CFAP263: variants seen among roughly 807,000 people sequenced by gnomAD.
CFAP263 encodes cilia and flagella associated protein 263.
chr16:58,258,810 C>T, the CFAP263 span, among the ~76,000 whole-genome samples: 2 of 152,034 alleles, frequency 1.3e-5, no homozygotes, highest in Non-Finnish European at 2.9e-5. Context: ...GAAACCCCAT[C>T]TCTACTAAAA....
chr16:58,257,384 C>T, the CFAP263 span, among the ~76,000 whole-genome samples: 1 of 152,072 alleles, frequency 6.6e-6, no homozygotes, highest in Non-Finnish European at 1.5e-5. Context: ...CACTTAACAA[C>T]ATCTCTTTAC....
chr16:58,282,482 C>T, the CFAP263 span: 1 of 152,342 alleles, frequency 6.6e-6, no homozygotes, highest in Admixed American at 6.5e-5. Context: ...GAAGCCACAC[C>T]AGAACAGAGA....
chr16:58,278,551 G>A, the CFAP263 span: 12 of 1,614,076 alleles, frequency 7.4e-6, no homozygotes, highest in East Asian at 2.2e-5. Context: ...GGCACCACAG[G>A]TGATGACTTA....
At chr16:58,259,597 C>T in the CFAP263 span, among the ~76,000 whole-genome samples, 4 of 152,180 alleles carry the variant, frequency 2.6e-5, no homozygotes, top group African/African-American at 7.2e-5. Flanking sequence ...AAGGCCCCTA[C>T]AGTAGCATAC....
the CFAP263 span, among the ~76,000 whole-genome samples, chr16:58,252,253 C>T: frequency 1.3e-5 from 2 of 152,068 alleles, no homozygotes; most frequent in Non-Finnish European, 2.9e-5. Flanking sequence ...ACCTGCAGTC[C>T]TAGCTACTTG....
chr16:58,279,206 G>A, the CFAP263 span, among the ~76,000 whole-genome samples: 3 of 152,086 alleles, frequency 2.0e-5, no homozygotes, highest in African/African-American at 4.8e-5. Context: ...CTAGGCTGCC[G>A]TGGCCAGGTT....
chr16:58,278,814 TC>T, the CFAP263 span, among the ~76,000 whole-genome samples: 3 of 152,088 alleles, frequency 2.0e-5, no homozygotes, highest in African/African-American at 7.2e-5. Context: ...TTTTGAAAGT[TC>T]CCCCTTTTGC....
the CFAP263 span, among the ~76,000 whole-genome samples, chr16:58,265,666 C>T: frequency 0.58 from 88,808 of 151,984 alleles, 27,016 homozygotes; most frequent in African/African-American, 0.75. Flanking sequence ...CGCAGACTTC[C>T]GGCCTATGGA....
chr16:58,283,543 C>G, the CFAP263 span: 1 of 151,920 alleles, frequency 6.6e-6, no homozygotes, highest in African/African-American at 2.4e-5. Flanking sequence ...TTTTTTCTTT[C>G]TTGGGATTAC....
At chr16:58,268,016 A>G in the CFAP263 span, among the ~76,000 whole-genome samples, 305 of 146,006 alleles carry the variant, frequency 2.1e-3, 9 homozygotes, top group East Asian at 0.053. Context: ...GAGAGAGAGA[A>G]AGAGAGAGAG....
the CFAP263 span, among the ~76,000 whole-genome samples, chr16:58,263,674 C>T: frequency 1.3e-4 from 20 of 152,186 alleles, no homozygotes; most frequent in South Asian, 1.0e-3. Flanking sequence ...ATGAAAAAAC[C>T]GGGGGTCAAA....
At chr16:58,264,877 A>G in the CFAP263 span, among the ~76,000 whole-genome samples, 10 of 152,242 alleles carry the variant, frequency 6.6e-5, no homozygotes, top group African/African-American at 2.4e-4. Context: ...CCTCTATACC[A>G]AAAGTACCAA....
the CFAP263 span, chr16:58,250,159 C>T: frequency 7.9e-7 from 1 of 1,263,618 alleles, no homozygotes; most frequent in Non-Finnish European, 1.1e-6. Context: ...TCCTCCTAGG[C>T]CCTCCTCTCC....
the CFAP263 span, chr16:58,267,711 A>C: frequency 1.6e-6 from 1 of 635,546 alleles, no homozygotes; most frequent in East Asian, 2.8e-5. Flanking sequence ...GACAATAAAA[A>C]TCAAAATAGC....
At chr16:58,256,043 G>T in the CFAP263 span, among the ~76,000 whole-genome samples, 1 of 152,214 alleles carries the variant, frequency 6.6e-6, no homozygotes, top group African/African-American at 2.4e-5. Context: ...CATGTTGTAT[G>T]AAAAGTAGAT....
the CFAP263 span, chr16:58,254,205 C>T: frequency 1.9e-6 from 3 of 1,595,766 alleles, no homozygotes; most frequent in Admixed American, 1.7e-5. Context: ...GGCTCCCCAC[C>T]TCTACCCCAC....
At chr16:58,279,962 A>C in the CFAP263 span, 2 of 619,538 alleles carry the variant, frequency 3.2e-6, no homozygotes, top group Non-Finnish European at 2.8e-6. Context: ...GGCCCCTGGA[A>C]CTGTTACCAC....
chr16:58,259,973 A>G, the CFAP263 span: 1 of 1,399,408 alleles, frequency 7.1e-7, no homozygotes. Context: ...GTTTCTTTTT[A>G]AGGTTACTGT....
chr16:58,260,002 C>A, the CFAP263 span: 1 of 900,072 alleles, frequency 1.1e-6, no homozygotes, highest in Non-Finnish European at 1.7e-6. Flanking sequence ...GAATAAGGTT[C>A]CCACCCCCAC....
Sources: allele counts gnomAD v4.1 joint callset (sites outside exome capture counted in the v4.1 genomes callset), GRCh38; gene constraint gnomAD v4.1.1; transcripts MANE v1.5; gene names NCBI Gene and HGNC (gene_info 2026-07-23, HGNC 2026-07-21).